Variants in ABCG1 observed in about 807,000 individuals in gnomAD.
ABCG1 encodes ATP binding cassette subfamily G member 1.
ABCG1 carries 29 observed loss-of-function variants against 69.2 expected under a neutral mutation model. The ratio of observed to expected loss-of-function variants is 0.42; its 90% CI spans 0.31 to 0.57. The LOEUF (loss-of-function observed/expected upper bound fraction) is 0.57. Among genes scored for constraint, ABCG1 ranks in the 20% least tolerant of loss-of-function variants. The pLI is 0.15. For synonymous variants in ABCG1, 370 were observed against 374.8 expected (o/e 0.99, Z 0.15); for missense variants, 718 against 898.1 (o/e 0.80, Z 2.56).
At chr21:42,240,725 G>A (rs1035744714) in intron 2 of ABCG1, among the ~76,000 whole-genome samples, 3 of 152,276 alleles carry the variant, frequency 2.0e-5, no homozygotes, top group African/African-American at 7.2e-5. Flanking sequence ...TGGGATTACA[G>A]GCGTGAGCCA....
At position 42,225,749 on chromosome 21, in the gene ABCG1, A is replaced by C. The variant is rs771865104; in HGVS notation, c.121A>C (p.Met41Leu). The C allele has an allele frequency of 6.2e-7, 1 of 1,614,024 alleles. No individual in the cohort carries two copies. The highest frequency in any genetic ancestry group is 1.1e-5 in the South Asian group (1 of 91,066). ...GGTGGATGAGGTGGTGTCCAGCAAC[A>C]TGGAGGCCACTGAGACGGACCTGCT... ...VSVDEVVSSN[M>L]EATETDLLNG... Residue 41 changes from methionine (M) to leucine (L), a missense_variant, in exon 2 of 15, where the codon ATG becomes CTG. Met to Leu is a conservative substitution (Grantham distance 15, BLOSUM62 2). This residue lies in a region of ABCG1 where 514 missense variants were observed against 574.3 expected (regional missense o/e 0.90). Coordinates refer to ENST00000398449, the MANE Select transcript of ABCG1 (RefSeq NM_016818.3).
At chr21:42,237,999 G>C (rs1405485951) in intron 2 of ABCG1, among the ~76,000 whole-genome samples, 17 of 152,186 alleles carry the variant, frequency 1.1e-4, no homozygotes, top group Admixed American at 1.0e-3. Flanking sequence ...ATTGGAGTGA[G>C]GAATAGCAGA....
At chr21:42,259,405 A>G in intron 2 of ABCG1, 2 of 1,550,190 alleles carry the variant, frequency 1.3e-6, no homozygotes, top group Non-Finnish European at 1.7e-6. Flanking sequence ...TGCAAAATCG[A>G]AAATGTCTGT....
chr21:42,223,917 C>T (rs4148106), intron 1 of ABCG1, among the ~76,000 whole-genome samples: 41,246 of 152,034 alleles, frequency 0.27, 5,849 homozygotes, highest in Middle Eastern at 0.37. Context: ...GCAATGGGTG[C>T]CTGGGGAGAG....
chr21:42,240,494 A>C (rs966327118), intron 2 of ABCG1, among the ~76,000 whole-genome samples: 2 of 152,266 alleles, frequency 1.3e-5, no homozygotes, highest in African/African-American at 4.8e-5. Context: ...TTTGTCACCC[A>C]GTCTGGAGTG....
In ABCG1 at chr21:42,269,052, A is replaced by G. The variant is rs2068568828; in HGVS notation, c.287-2018A>G. ...GAGGCTTCTCAGAGCCCGAGGCATG[A>G]ACCCTCAGGTGGGTCGTGGCCATAG... On this transcript the variant is annotated intron_variant, in intron 2 of 14. Coordinates refer to ENST00000398449, the MANE Select transcript of ABCG1 (RefSeq NM_016818.3). Among the ~76,000 whole-genome samples the G allele has an allele frequency of 3.3e-5, 5 of 152,186 alleles. No individual in the cohort carries two copies. The South Asian group carries it at 8.3e-4, about 25-fold the overall frequency.
intron 5 of ABCG1, among the ~76,000 whole-genome samples, chr21:42,281,456 G>A (rs561036422): frequency 3.3e-5 from 5 of 152,290 alleles, no homozygotes; most frequent in South Asian, 2.1e-4. Flanking sequence ...TCCCTGAGTC[G>A]ATACAGGATC....
chr21:42,213,769 A>C (rs1198381862), upstream of ABCG1, among the ~76,000 whole-genome samples: 3 of 152,222 alleles, frequency 2.0e-5, no homozygotes, highest in Non-Finnish European at 2.9e-5. Flanking sequence ...GACTTACTTG[A>C]GACCTGTTAT....
chr21:42,296,044 C>T lies in ABCG1; in HGVS notation c.1773-120C>T. 1 of 805,414 alleles carries T rather than the reference C, an allele frequency of 1.2e-6. No homozygotes were observed. The highest frequency in any genetic ancestry group is 1.6e-5 in the South Asian group (1 of 63,832). 49.9% of individuals were successfully genotyped at this position (805,414 alleles called of 1,614,324 possible). On this transcript the variant is annotated intron_variant, in intron 14 of 14. Transcript: ENST00000398449. The surrounding 1 kb of genome is among the most constrained non-coding windows in gnomAD (Gnocchi z 5.4). ...AGGAAGTATTCTGGGGAAGGCGGCC[C>T]TTTGGGAAGGGAGGATAGCCAAGCT...
rs1262559748 is a variant in ABCG1, at chr21:42,287,639, C to T, written c.974-250C>T. On this transcript the variant is annotated intron_variant, in intron 8 of 14. Coordinates refer to ENST00000398449, the MANE Select transcript of ABCG1 (RefSeq NM_016818.3). This position sits in a 1 kb window ranked among gnomAD's most constrained non-coding sequence, Gnocchi z 6.2. ...AGTCGGTAGATGCAGGAGCTCATTA[C>T]TTCTCAGACCACTGACAGCACAGTG... is the stretch of plus-strand genomic sequence containing the variant. Among the ~76,000 whole-genome samples, 4 of 152,222 alleles carry T rather than the reference C, an allele frequency of 2.6e-5. No individual in the cohort carries two copies. The highest frequency in any genetic ancestry group is 4.1e-4 in the South Asian group (2 of 4,836).
chr21:42,267,859 T>A (rs532423057), intron 2 of ABCG1, among the ~76,000 whole-genome samples: 23 of 136,632 alleles, frequency 1.7e-4, no homozygotes, highest in Middle Eastern at 3.7e-3. Context: ...CTGGGTCTGA[T>A]CTGGGTCTGG....
At chr21:42,249,861 C>G (rs1279758962) in intron 2 of ABCG1, among the ~76,000 whole-genome samples, 1 of 151,938 alleles carries the variant, frequency 6.6e-6, no homozygotes, top group Non-Finnish European at 1.5e-5. Context: ...AAAAATTAGC[C>G]AGGCATGGTG....
intron 2 of ABCG1, among the ~76,000 whole-genome samples, chr21:42,209,229 T>G (rs906596276): frequency 6.6e-5 from 10 of 152,202 alleles, no homozygotes; most frequent in African/African-American, 2.2e-4. Context: ...ATCATCTGAC[T>G]GATAGAAATA....
At chr21:42,216,051 G>A (rs1398197442), upstream of ABCG1, 4 of 386,270 alleles carry the variant, frequency 1.0e-5, no homozygotes, top group African/African-American at 4.2e-5. Context: ...TCTCATGATA[G>A]TGAATAAGTC....
At chr21:42,265,892 C>T (rs758268233) in intron 2 of ABCG1, among the ~76,000 whole-genome samples, 4 of 152,210 alleles carry the variant, frequency 2.6e-5, no homozygotes, top group Admixed American at 2.6e-4. Context: ...CCATAGCTTG[C>T]CCCTCGTGGC....
At chr21:42,278,617 C>A (rs980980208) in intron 5 of ABCG1, among the ~76,000 whole-genome samples, 3 of 152,332 alleles carry the variant, frequency 2.0e-5, no homozygotes, top group Middle Eastern at 3.4e-3. Flanking sequence ...GGAACCAACC[C>A]TGCTGCCCTC....
Position 42,273,524 on chromosome 21 carries a change from G to A in ABCG1, c.537+89G>A. The A allele has an allele frequency of 6.8e-7, 1 of 1,473,960 alleles. No individual in the cohort carries two copies. The highest frequency in any genetic ancestry group is 9.1e-7 in the Non-Finnish European group (1 of 1,094,066). The allele number at this position is 1,473,960 out of a possible 1,614,324, so 91.3% of individuals were successfully genotyped here. ...CACAGCACTGGCCGAGTGCCCAGCT[G>A]CGAGGGACCCAAGGGCTCTGCCACG... is the stretch of plus-strand genomic sequence containing the variant. On this transcript the variant is annotated intron_variant, in intron 4 of 14. Coordinates refer to ENST00000398449, the MANE Select transcript of ABCG1 (RefSeq NM_016818.3). The surrounding 1 kb of genome is among the most constrained non-coding windows in gnomAD (Gnocchi z 5.3).
chr21:42,296,637 T>TA lies in ABCG1; in HGVS notation c.*247dup. On this transcript the variant is annotated 3_prime_UTR_variant, in exon 15 of 15. Coordinates refer to ENST00000398449, the MANE Select transcript of ABCG1 (RefSeq NM_016818.3). The surrounding 1 kb of genome is among the most constrained non-coding windows in gnomAD (Gnocchi z 5.4). Reference sequence around the variant, plus strand: ...GGCAGATTGGTGGTTTTTTTTTTTTTAACATACAGAATTTTAAATACCACA... The same window carrying TA: ...GGCAGATTGGTGGTTTTTTTTTTTTTAAACATACAGAATTTTAAATACCACA... 1 of 509,434 alleles carries TA rather than the reference T, an allele frequency of 2.0e-6. No individual in the cohort carries two copies. The highest frequency in any genetic ancestry group is 3.6e-6 in the Non-Finnish European group (1 of 280,810). 31.6% of individuals were successfully genotyped at this position (509,434 alleles called of 1,614,324 possible).
intron 2 of ABCG1, chr21:42,259,206 G>A (rs1052053486): frequency 2.0e-5 from 28 of 1,423,432 alleles, no homozygotes; most frequent in South Asian, 1.8e-4. Flanking sequence ...CCCAGATGTC[G>A]CTGGTGCTGG....
Sources: gnomAD v4.1 joint callset for allele counts (sites outside exome capture counted in the v4.1 genomes callset) on GRCh38, gnomAD v4.1.1 for gene constraint, gnomAD v4.1.1 regional missense constraint, Gnocchi (gnomAD v3.1) non-coding constraint, MANE v1.5 for transcripts, NCBI Gene and HGNC (gene_info 2026-07-23, HGNC 2026-07-21) for gene names.